Variants in LSAMP observed in about 807,000 individuals in gnomAD.
The protein encoded by LSAMP is limbic system-associated membrane protein.
In LSAMP, 7 loss-of-function variants were observed where a neutral mutation model predicts 38.6. The observed-to-expected ratio is 0.18, with a 90% confidence interval of 0.10 to 0.34. The LOEUF is 0.34. LSAMP is among the 10% of genes least tolerant of loss of function. LSAMP has a pLI of 1.00. For synonymous variants in LSAMP, 154 were observed against 166.8 expected (o/e 0.92, Z 0.59); for missense variants, 313 against 420.0 (o/e 0.75, Z 2.23).
At chr3:116,280,733 C>T (rs1010355893) in intron 1 of LSAMP, among the ~76,000 whole-genome samples, 2 of 152,188 alleles carry the variant, frequency 1.3e-5, no homozygotes, top group African/African-American at 4.8e-5. Flanking sequence ...TCCTTCTTTC[C>T]AACAGTCGTG....
intron 1 of LSAMP, among the ~76,000 whole-genome samples, chr3:116,324,575 G>C (rs781536069): frequency 2.0e-5 from 3 of 152,040 alleles, no homozygotes; most frequent in Admixed American, 6.6e-5. Context: ...TATTCATTCC[G>C]AGTTCTTACA....
At chr3:115,878,435 C>T (rs1391040847) in intron 3 of LSAMP, among the ~76,000 whole-genome samples, 2 of 138,128 alleles carry the variant, frequency 1.4e-5, no homozygotes, top group East Asian at 2.2e-4. Flanking sequence ...TTACTTGATA[C>T]TTTGAGAACA....
At chr3:116,239,402 T>C (rs1448581521) in intron 1 of LSAMP, among the ~76,000 whole-genome samples, 1 of 151,042 alleles carries the variant, frequency 6.6e-6, no homozygotes, top group African/African-American at 2.4e-5. Context: ...AACATATGTT[T>C]AAAAAAAAAG....
intron 1 of LSAMP, among the ~76,000 whole-genome samples, chr3:116,182,339 T>C (rs1167607438): frequency 1.3e-5 from 2 of 151,472 alleles, no homozygotes; most frequent in Non-Finnish European, 3.0e-5. Context: ...TATTTCTTTA[T>C]AAAAACATTG....
chr3:116,159,632 C>A (rs1268106002), intron 1 of LSAMP, among the ~76,000 whole-genome samples: 2 of 152,110 alleles, frequency 1.3e-5, no homozygotes, highest in Non-Finnish European at 2.9e-5. Flanking sequence ...GAAAAGGGAA[C>A]AATTATATAC....
intron 3 of LSAMP, among the ~76,000 whole-genome samples, chr3:115,950,787 G>T (rs1938256926): frequency 2.0e-5 from 1 of 51,022 alleles, no homozygotes. Context: ...CATAACCAAA[G>T]CAAGACTTAG....
intron 1 of LSAMP, among the ~76,000 whole-genome samples, chr3:116,250,462 A>C (rs2046665844): frequency 6.6e-6 from 1 of 152,220 alleles, no homozygotes; most frequent in African/African-American, 2.4e-5. Context: ...ATATTCAAGA[A>C]AGAACCATTT....
intron 3 of LSAMP, among the ~76,000 whole-genome samples, chr3:115,972,479 A>AAAATTTTTAATATATTTAAAATATTCC (rs1157356650): frequency 1.3e-5 from 2 of 151,796 alleles, no homozygotes; most frequent in African/African-American, 4.8e-5. Context: ...TAAAATATTT[A>AAAATTTTTAATATATTTAAAATATTCC]AAATTTTTAA....
intron 1 of LSAMP, among the ~76,000 whole-genome samples, chr3:116,389,493 T>C (rs918891767): frequency 6.6e-5 from 10 of 152,206 alleles, no homozygotes; most frequent in Non-Finnish European, 1.3e-4. Context: ...AAAACAGGCC[T>C]GTATTCCTTG....
chr3:116,412,864 A>G (rs1160639084), intron 1 of LSAMP, among the ~76,000 whole-genome samples: 2 of 152,114 alleles, frequency 1.3e-5, no homozygotes, highest in Non-Finnish European at 2.9e-5. Context: ...GAAAGCAGAC[A>G]TTAACTCTTT....
chr3:116,079,592 A>T (rs1707827785), intron 2 of LSAMP, among the ~76,000 whole-genome samples: 1 of 146,946 alleles, frequency 6.8e-6, no homozygotes, highest in African/African-American at 2.5e-5. Context: ...GAATCAGGCC[A>T]CTGCGCTCCA....
At chr3:115,989,031 T>C (rs1939592963) in intron 3 of LSAMP, among the ~76,000 whole-genome samples, 1 of 152,064 alleles carries the variant, frequency 6.6e-6, no homozygotes, top group Non-Finnish European at 1.5e-5. Context: ...ACACTGACAA[T>C]TCATTTCTTA....
intron 1 of LSAMP, among the ~76,000 whole-genome samples, chr3:116,237,264 T>C (rs776660833): frequency 1.3e-5 from 2 of 152,210 alleles, no homozygotes; most frequent in East Asian, 3.8e-4. Flanking sequence ...CTATAAGTAC[T>C]GTGTTCCTTT....
intron 1 of LSAMP, among the ~76,000 whole-genome samples, chr3:116,098,619 A>C (rs1708276716): frequency 6.6e-6 from 1 of 151,950 alleles, no homozygotes; most frequent in Non-Finnish European, 1.5e-5. Flanking sequence ...ACTTTCCCCC[A>C]CCTCACCTCC....
At chr3:116,328,322 A>T (rs928636459) in intron 1 of LSAMP, among the ~76,000 whole-genome samples, 2 of 152,204 alleles carry the variant, frequency 1.3e-5, no homozygotes, top group Non-Finnish European at 2.9e-5. Flanking sequence ...GATGATGGGA[A>T]ATTAGAATCG....
intron 6 of LSAMP, chr3:115,816,604 A>G: frequency 7.8e-7 from 1 of 1,285,748 alleles, no homozygotes; most frequent in Non-Finnish European, 1.0e-6. Flanking sequence ...ACCAAAAATA[A>G]GAACCATACC....
intron 3 of LSAMP, among the ~76,000 whole-genome samples, chr3:115,876,498 C>T (rs1042372489): frequency 2.0e-5 from 3 of 151,826 alleles, no homozygotes; most frequent in African/African-American, 4.8e-5. Flanking sequence ...CCACTGAGTA[C>T]GAGGTTACTA....
At chr3:116,425,018 G>C (rs1238184440) in intron 1 of LSAMP, among the ~76,000 whole-genome samples, 1 of 150,706 alleles carries the variant, frequency 6.6e-6, no homozygotes, top group Non-Finnish European at 1.5e-5. Context: ...AAAAAAAAGA[G>C]AGTGGAGTTT....
intron 3 of LSAMP, 147 bp downstream of exon 3, chr3:116,019,368 T>C: frequency 1.0e-6 from 1 of 968,228 alleles, no homozygotes; most frequent in Non-Finnish European, 1.5e-6. Flanking sequence ...AGTATTTTAA[T>C]AACAAGATAG....
Sources: gnomAD v4.1 joint callset for allele counts (sites outside exome capture counted in the v4.1 genomes callset) on GRCh38, gnomAD v4.1.1 for gene constraint, MANE v1.5 for transcripts, NCBI Gene and HGNC (gene_info 2026-07-23, HGNC 2026-07-21) for gene names.